Variants in FZD10 observed in about 807,000 individuals in gnomAD.
The protein encoded by FZD10 is frizzled class receptor 10, also known as frizzled-10.
FZD10 carries 14 observed loss-of-function variants against 24.4 expected under a neutral mutation model. The observed-to-expected ratio is 0.57, with a 90% CI of 0.38 to 0.90. The LOEUF (loss-of-function observed/expected upper bound fraction) is 0.90. Among genes scored for constraint, FZD10 ranks in the 40% least tolerant of loss-of-function variants. The pLI is 0.00. For missense variants in FZD10, 775 were observed against 816.6 expected (o/e 0.95, Z 0.62); for synonymous variants, 381 against 349.1 (o/e 1.09, Z -1.02).
Position 130,163,395 on chromosome 12 carries a change from C to G in FZD10, c.453C>G (p.Pro151=), listed in dbSNP as rs773187403. ...NDPNYLCMEA[P]NNGSDEPTRG... ...CCAACTACCTGTGCATGGAGGCGCC[C>G]AACAACGGCTCGGACGAGCCCACCC... Residue 151 remains proline, a synonymous_variant, in exon 1 of 1, where the codon CCC becomes CCG. Coordinates refer to ENST00000229030, the MANE Select transcript of FZD10 (RefSeq NM_007197.4). 15 of 1,612,670 alleles carry G rather than the reference C, an allele frequency of 9.3e-6. 1 individual carries two copies. In the South Asian group the frequency reaches 1.6e-4, roughly 18 times the overall value.
chr12:130,165,147 G>A lies in FZD10; in HGVS notation c.*459G>A, dbSNP rs549042426. ...CCCCAGGAAGGCCACAGTGCTGGGC[G>A]GCATCCCTGCAGAGGAAAGACAGGA... On this transcript the variant is annotated 3_prime_UTR_variant, in exon 1 of 1. Transcript: ENST00000229030. The A allele has an allele frequency of 2.0e-4, 34 of 169,226 alleles. No individual in the cohort carries two copies. Among genetic ancestry groups the A allele is most frequent in the Non-Finnish European group, 3.0e-4 (21 of 69,594 alleles). The allele number at this position is 169,226 out of a possible 1,614,324, so 10.5% of individuals were successfully genotyped here.
In FZD10 at chr12:130,163,217, C is replaced by T; in HGVS notation, c.275C>T (p.Ala92Val). ...HLRFFLCSLY[A>V]PMCTEQVSTP... is the part of the protein sequence containing the mutation. ...CGCTTCTTCCTGTGCTCGCTGTACG[C>T]GCCGATGTGCACCGAGCAGGTCTCT... Residue 92 changes from alanine (A) to valine (V), a missense_variant, in exon 1 of 1, where the codon GCG (alanine) becomes GTG (valine). Transcript: ENST00000229030. 2 of 1,613,002 alleles carry T rather than the reference C, an allele frequency of 1.2e-6. No individual in the cohort carries two copies. Among genetic ancestry groups the T allele is most frequent in the East Asian group, 2.2e-5 (1 of 44,840 alleles).
Position 130,164,293 on chromosome 12 carries a change from T to C in FZD10, c.1351T>C (p.Tyr451His). The C allele has an allele frequency of 6.2e-7, 1 of 1,614,150 alleles. No individual in the cohort carries two copies. Among genetic ancestry groups the C allele is most frequent in the Non-Finnish European group, 8.5e-7 (1 of 1,180,028 alleles). Residue 451 changes from tyrosine (Y) to histidine (H), a missense_variant, in exon 1 of 1, where the codon TAC becomes CAC. Tyr to His is a moderately conservative substitution (Grantham distance 83, BLOSUM62 2). Transcript: ENST00000229030. This position sits in a 1 kb window ranked among gnomAD's most constrained non-coding sequence, Gnocchi z 5.3. ...GCGTATCGGGCTCTTCTCTGTGCTG[T>C]ACACCGTGCCGGCCACCTGTGTGAT... is the stretch of plus-strand genomic sequence containing the variant. Reference protein sequence around the residue: ...MVRIGLFSVLYTVPATCVIAC... With the variant: ...MVRIGLFSVLHTVPATCVIAC...
chr12:130,165,466 T>C lies in FZD10; in HGVS notation c.*778T>C, dbSNP rs372560933. ...TTTAATGGAAACCAAGCCAATGTTATAGACGTTTGGACTGATTTGTGGAAA... is the reference window on the plus strand; with the variant it reads ...TTTAATGGAAACCAAGCCAATGTTACAGACGTTTGGACTGATTTGTGGAAA... On this transcript the variant is annotated 3_prime_UTR_variant, in exon 1 of 1. Coordinates refer to ENST00000229030, the MANE Select transcript of FZD10 (RefSeq NM_007197.4). 4 of 167,116 alleles carry C rather than the reference T, an allele frequency of 2.4e-5. No individual in the cohort carries two copies. The highest frequency in any genetic ancestry group is 1.5e-5 in the Non-Finnish European group (1 of 68,116). The allele number at this position is 167,116 out of a possible 1,614,324, so 10.4% of individuals were successfully genotyped here. A position where few individuals can be genotyped will look rare whatever the true frequency, so the allele number is the denominator to read the frequency against.
chr12:130,164,069 C>T lies in FZD10; in HGVS notation c.1127C>T (p.Ala376Val), dbSNP rs1418063496. Reference protein sequence around the residue: ...TILILVMRRVAGDELTGVCYV... With the variant: ...TILILVMRRVVGDELTGVCYV... The stretch of plus-strand genomic sequence containing the variant: ...CTGATCCTGGTCATGCGCAGGGTGG[C>T]GGGGGACGAGCTCACCGGGGTCTGC... The change falls in exon 1 of 1, where the codon GCG (alanine) becomes GTG (valine). Residue 376 changes from alanine to valine, a missense_variant. Physicochemically the swap from Ala to Val is moderately conservative, Grantham distance 64. Coordinates refer to ENST00000229030, the MANE Select transcript of FZD10 (RefSeq NM_007197.4). The surrounding 1 kb of genome is among the most constrained non-coding windows in gnomAD (Gnocchi z 5.3). The T allele has an allele frequency of 6.2e-7, 1 of 1,613,606 alleles. No individual in the cohort carries two copies. Among genetic ancestry groups the T allele is most frequent in the Non-Finnish European group, 8.5e-7 (1 of 1,179,978 alleles).
rs1249254918 is a variant in FZD10, at chr12:130,163,473, G to T, written c.531G>T (p.Ala177=). The T allele has an allele frequency of 3.1e-6, 5 of 1,606,362 alleles. No homozygotes were observed. Among genetic ancestry groups the T allele is most frequent in the East Asian group, 4.5e-5 (2 of 44,716 alleles). The change falls in exon 1 of 1, where the codon GCG becomes GCT. Residue 177 remains alanine (A), a synonymous_variant. Coordinates refer to ENST00000229030, the MANE Select transcript of FZD10 (RefSeq NM_007197.4). ...PLFRPQRPHS[A]QEHPLKDGGP... ...TCCGGCCGCAGCGGCCCCACAGCGC[G>T]CAGGAGCACCCGCTGAAGGACGGGG...
chr12:130,163,495 G>T lies in FZD10; in HGVS notation c.553G>T (p.Gly185Trp), dbSNP rs767118059. ...CGCGCAGGAGCACCCGCTGAAGGACGGGGGCCCCGGGCGCGGCGGCTGCGA... is the reference window on the plus strand; with the variant it reads ...CGCGCAGGAGCACCCGCTGAAGGACTGGGGCCCCGGGCGCGGCGGCTGCGA... ...HSAQEHPLKD[G>W]GPGRGGCDNP... The change falls in exon 1 of 1, where the codon GGG becomes TGG. Residue 185 changes from glycine (G) to tryptophan (W), a missense_variant. Transcript: ENST00000229030. 1.9e-5 allele frequency: 31 copies of T among 1,590,302 alleles called. No homozygotes were observed. Among genetic ancestry groups the T allele is most frequent in the Admixed American group, 3.5e-5 (2 of 56,606 alleles).
rs1871688363 is a variant in FZD10, at chr12:130,162,791, G to T, written c.-152G>T. On this transcript the variant is annotated 5_prime_UTR_variant, in exon 1 of 1. Coordinates refer to ENST00000229030, the MANE Select transcript of FZD10 (RefSeq NM_007197.4). ...GACGCCGGGCGCGGAGAGCCGAGCC[G>T]GGGGCGCTGTGCGCAGCGCTCGGGC... is the stretch of plus-strand genomic sequence containing the variant. The T allele has an allele frequency of 5.2e-6, 2 of 383,650 alleles. No individual in the cohort carries two copies. The highest frequency in any genetic ancestry group is 4.3e-5 in the East Asian group (1 of 23,284). The allele number at this position is 383,650 out of a possible 1,614,324, so 23.8% of individuals were successfully genotyped here.
In FZD10 at chr12:130,164,451, C is replaced by A; in HGVS notation, c.1509C>A (p.Ile503=). ...CCGCCTCCATCCCCGCCGTGGAGAT[C>A]TTCATGGTGAAGATCTTTATGCTGC... The part of the protein sequence containing the change: ...LMAASIPAVE[I]FMVKIFMLLV... Residue 503 remains isoleucine (I), a synonymous_variant, in exon 1 of 1, where the codon ATC becomes ATA. Transcript: ENST00000229030. The surrounding 1 kb of genome is among the most constrained non-coding windows in gnomAD (Gnocchi z 5.3). 6.2e-7 allele frequency: 1 copy of A among 1,613,844 alleles called. No individual in the cohort carries two copies. Among genetic ancestry groups the A allele is most frequent in the Non-Finnish European group, 8.5e-7 (1 of 1,180,016 alleles).
At position 130,163,785 on chromosome 12, in the gene FZD10, C is replaced by T. The variant is rs755416542; in HGVS notation, c.843C>T (p.Leu281=). The T allele has an allele frequency of 1.9e-5, 30 of 1,613,844 alleles. No individual in the cohort carries two copies. The highest frequency in any genetic ancestry group is 2.5e-5 in the Non-Finnish European group (30 of 1,180,052). ...CVYSVGYLIR[L]FAGAESIACD... ...ACTCCGTGGGCTACCTCATCCGCCT[C>T]TTCGCCGGCGCCGAGAGCATCGCCT... The change falls in exon 1 of 1, where the codon CTC becomes CTT. Residue 281 remains leucine, a synonymous_variant. Coordinates refer to ENST00000229030, the MANE Select transcript of FZD10 (RefSeq NM_007197.4).
At position 130,162,972 on chromosome 12, in the gene FZD10, G is replaced by A; in HGVS notation, c.30G>A (p.Leu10=). Residue 10 remains leucine (L), a synonymous_variant, in exon 1 of 1, where the codon CTG becomes CTA. Transcript: ENST00000229030. ...AGCGCCCGGGCCCCCGCCTGTGGCT[G>A]GTCCTGCAGGTGATGGGCTCGTGCG... MQRPGPRLW[L]VLQVMGSCAA... is the part of the protein sequence containing the mutation. 6.4e-7 allele frequency: 1 copy of A among 1,553,422 alleles called. No homozygotes were observed. Among genetic ancestry groups the A allele is most frequent in the South Asian group, 1.2e-5 (1 of 85,436 alleles).
rs1871728579 is a variant in FZD10 at position 130,163,626 on chromosome 12, G to A, written c.684G>A (p.Val228=). 5 of 1,612,866 alleles carry A rather than the reference G, an allele frequency of 3.1e-6. No homozygotes were observed. Among genetic ancestry groups the A allele is most frequent in the African/African-American group, 1.3e-5 (1 of 74,958 alleles). Residue 228 remains valine, a synonymous_variant, in exon 1 of 1, where the codon GTG becomes GTA. Coordinates refer to ENST00000229030, the MANE Select transcript of FZD10 (RefSeq NM_007197.4). ...YWSREDKRFA[V]VWLAIWAVLC... ...GCCGCGAGGACAAGCGCTTCGCAGT[G>A]GTCTGGCTGGCCATCTGGGCGGTGC...
In FZD10 at chr12:130,165,537, G is replaced by T. The variant is rs1871801269; in HGVS notation, c.*849G>T. 1 of 166,950 alleles carries T rather than the reference G, an allele frequency of 6.0e-6. No homozygotes were observed. The highest frequency in any genetic ancestry group is 6.5e-5 in the Admixed American group (1 of 15,282). The allele number at this position is 166,950 out of a possible 1,614,324, so 10.3% of individuals were successfully genotyped here. A position where few individuals can be genotyped will look rare whatever the true frequency, so the allele number is the denominator to read the frequency against. ...GGATCATTCAAAAGTTACCCAAAGG[G>T]CTTATTGACTCTTTCTATTGTTAAA... On this transcript the variant is annotated 3_prime_UTR_variant, in exon 1 of 1. Coordinates refer to ENST00000229030, the MANE Select transcript of FZD10 (RefSeq NM_007197.4).
rs1871711921 is a variant in FZD10 at position 130,163,288 on chromosome 12, A to G, written c.346A>G (p.Lys116Glu). 17 of 1,612,932 alleles carry G rather than the reference A, an allele frequency of 1.1e-5. No individual in the cohort carries two copies. The highest frequency in any genetic ancestry group is 1.3e-5 in the African/African-American group (1 of 74,894). Residue 116 changes from lysine (K) to glutamate (E), a missense_variant, in exon 1 of 1, where the codon AAG becomes GAG. Coordinates refer to ENST00000229030, the MANE Select transcript of FZD10 (RefSeq NM_007197.4). ...GGTCATGTGCGAGCAGGCCCGGCTC[A>G]AGTGCTCCCCGATTATGGAGCAGTT... ...CRVMCEQARL[K>E]CSPIMEQFNF...
In FZD10 at chr12:130,163,414, C is replaced by T. The variant is rs1871717207; in HGVS notation, c.472C>T (p.Pro158Ser). The T allele has an allele frequency of 1.2e-6, 2 of 1,612,490 alleles. No homozygotes were observed. Among genetic ancestry groups the T allele is most frequent in the Non-Finnish European group, 1.7e-6 (2 of 1,179,918 alleles). Reference sequence around the variant, plus strand: ...GGCGCCCAACAACGGCTCGGACGAGCCCACCCGGGGCTCGGGCCTGTTCCC... The same window carrying T: ...GGCGCCCAACAACGGCTCGGACGAGTCCACCCGGGGCTCGGGCCTGTTCCC... ...MEAPNNGSDE[P>S]TRGSGLFPPL... Residue 158 changes from proline to serine, a missense_variant, in exon 1 of 1, where the codon CCC (proline) becomes TCC (serine). Coordinates refer to ENST00000229030, the MANE Select transcript of FZD10 (RefSeq NM_007197.4).
chr12:130,163,029 G>A lies in FZD10; in HGVS notation c.87G>A (p.Pro29=), dbSNP rs747697911. ...TCAGCTCCATGGACATGGAGCGCCC[G>A]GGCGACGGCAAATGCCAGCCCATCG... The part of the protein sequence containing the change: ...AAISSMDMER[P]GDGKCQPIEI... Residue 29 remains proline, a synonymous_variant, in exon 1 of 1, where the codon CCG becomes CCA. Transcript: ENST00000229030. The A allele has an allele frequency of 6.2e-7, 1 of 1,611,298 alleles. No individual in the cohort carries two copies. Among genetic ancestry groups the A allele is most frequent in the Non-Finnish European group, 8.5e-7 (1 of 1,179,344 alleles).
Position 130,162,798 on chromosome 12 carries a change from C to G in FZD10, c.-145C>G. The G allele has an allele frequency of 4.9e-6, 2 of 410,554 alleles. No homozygotes were observed. The highest frequency in any genetic ancestry group is 4.0e-6 in the Non-Finnish European group (1 of 250,190). 25.4% of individuals were successfully genotyped at this position (410,554 alleles called of 1,614,324 possible). ...GGCGCGGAGAGCCGAGCCGGGGGCG[C>G]TGTGCGCAGCGCTCGGGCCAGGCCG... On this transcript the variant is annotated 5_prime_UTR_variant, in exon 1 of 1. Coordinates refer to ENST00000229030, the MANE Select transcript of FZD10 (RefSeq NM_007197.4).
rs1461826611 is a variant in FZD10, at chr12:130,163,366, G to C, written c.424G>C (p.Asp142His). The C allele has an allele frequency of 6.2e-7, 1 of 1,612,892 alleles. No individual in the cohort carries two copies. The highest frequency in any genetic ancestry group is 8.5e-7 in the Non-Finnish European group (1 of 1,179,982). ...CTGCCGGAAACTCCCCAACAAGAAC[G>C]ACCCCAACTACCTGTGCATGGAGGC... ...LDCRKLPNKN[D>H]PNYLCMEAPN... is the part of the protein sequence containing the mutation. Residue 142 changes from aspartate (D) to histidine (H), a missense_variant, in exon 1 of 1, where the codon GAC (aspartate) becomes CAC (histidine). Coordinates refer to ENST00000229030, the MANE Select transcript of FZD10 (RefSeq NM_007197.4).
At position 130,163,901 on chromosome 12, in the gene FZD10, G is replaced by C. The variant is rs145721838; in HGVS notation, c.959G>C (p.Gly320Ala). ...GTCTTCCTGGTCCTCTACTACTTCG[G>C]CATGGCCAGCTCGCTGTGGTGGGTG... ...TLVFLVLYYF[G>A]MASSLWWVVL... Residue 320 changes from glycine to alanine, a missense_variant, in exon 1 of 1, where the codon GGC becomes GCC. By Grantham distance (60) the Gly-to-Ala change is moderately conservative (BLOSUM62 0). Transcript: ENST00000229030. The C allele has an allele frequency of 3.2e-5, 52 of 1,613,808 alleles. No individual in the cohort carries two copies. The highest frequency in any genetic ancestry group is 6.8e-6 in the Non-Finnish European group (8 of 1,180,046).
Sources: gnomAD v4.1 joint callset for allele counts on GRCh38, gnomAD v4.1.1 for gene constraint, Gnocchi (gnomAD v3.1) non-coding constraint, MANE v1.5 for transcripts, NCBI Gene and HGNC (gene_info 2026-07-23, HGNC 2026-07-21) for gene names.